The following MYO1D variants were observed in gnomAD, a reference collection of about 807,000 sequenced individuals.
MYO1D encodes unconventional myosin-Id.
Under a neutral mutation model 122.0 loss-of-function variants are expected in MYO1D, and 83 were observed. That is an observed-to-expected ratio of 0.68 (90% CI 0.57 to 0.82). The LOEUF (loss-of-function observed/expected upper bound fraction) is 0.82, where lower values mean the gene tolerates loss of function less well. Ranked by LOEUF, MYO1D falls within the 40% of genes least tolerant of loss-of-function variation. The pLI, the probability that MYO1D is intolerant of heterozygous loss-of-function variation, is 0.00. For synonymous variants in MYO1D, 464 were observed against 446.9 expected (o/e 1.04, Z -0.48); for missense variants, 1,157 against 1,269.5 (o/e 0.91, Z 1.35).
intron 2 of MYO1D, among the ~76,000 whole-genome samples, chr17:32,779,371 T>C (rs987729311): frequency 6.6e-6 from 1 of 151,912 alleles, no homozygotes. Flanking sequence ...TGGAATACTA[T>C]ACAATTATTA....
chr17:32,569,566 C>T (rs752729789), intron 21 of MYO1D, among the ~76,000 whole-genome samples: 31 of 152,300 alleles, frequency 2.0e-4, no homozygotes, highest in Non-Finnish European at 3.2e-4. Context: ...GACTGGGAAC[C>T]GTCACCTCCC....
intron 11 of MYO1D, among the ~76,000 whole-genome samples, chr17:32,754,211 C>T (rs567290229): frequency 6.6e-6 from 1 of 152,128 alleles, no homozygotes; most frequent in Admixed American, 6.5e-5. Flanking sequence ...AGGACATTTG[C>T]CCATGTAATC....
chr17:32,734,059 A>C (rs570413287), intron 14 of MYO1D, among the ~76,000 whole-genome samples: 1 of 152,254 alleles, frequency 6.6e-6, no homozygotes, highest in East Asian at 1.9e-4. Context: ...ACCCTCCAAA[A>C]CAGTTTCCAT....
At chr17:32,599,321 C>G (rs970780593) in intron 21 of MYO1D, among the ~76,000 whole-genome samples, 10 of 152,194 alleles carry the variant, frequency 6.6e-5, no homozygotes, top group Non-Finnish European at 1.2e-4. Flanking sequence ...GAAGCTACTC[C>G]TCATCTATTC....
At chr17:32,523,797 A>C (rs1341843748) in intron 21 of MYO1D, among the ~76,000 whole-genome samples, 3 of 151,396 alleles carry the variant, frequency 2.0e-5, no homozygotes, top group Non-Finnish European at 4.4e-5. Flanking sequence ...TCTCAAAAAA[A>C]AAAAAAAAAA....
At chr17:32,716,533 C>T (rs931572098) in intron 15 of MYO1D, among the ~76,000 whole-genome samples, 1 of 152,190 alleles carries the variant, frequency 6.6e-6, no homozygotes, top group African/African-American at 2.4e-5. Flanking sequence ...AGCCTACTCA[C>T]TTGCTAGATG....
At chr17:32,602,849 A>C (rs973926043) in intron 21 of MYO1D, 1 of 152,244 alleles carries the variant, frequency 6.6e-6, no homozygotes, top group Non-Finnish European at 1.5e-5. Context: ...CTTATAAAAT[A>C]CAATGTGAAT....
In MYO1D at chr17:32,494,869, T is replaced by C; in HGVS notation, c.2911A>G (p.Ser971Gly). 6.2e-7 allele frequency: 1 copy of C among 1,614,036 alleles called. No homozygotes were observed. The highest frequency in any genetic ancestry group is 8.5e-7 in the Non-Finnish European group (1 of 1,179,966). ...ACGGTGCACTTCTTCCCGTGCAGGC[T>C]GCACTGTACTGGGTTGGTGACGTTC... ...QVNVTNPVQCSLHGKKCTVSV... is the reference protein window; with the variant it reads ...QVNVTNPVQCGLHGKKCTVSV... The change falls in exon 22 of 22, where the codon AGC becomes GGC. Residue 971 changes from serine to glycine, a missense_variant. Physicochemically the swap from Ser to Gly is moderately conservative, Grantham distance 56. Coordinates refer to ENST00000318217, the MANE Select transcript of MYO1D (RefSeq NM_015194.3).
chr17:32,746,488 A>G (rs2089839492), intron 12 of MYO1D, among the ~76,000 whole-genome samples: 1 of 152,178 alleles, frequency 6.6e-6, no homozygotes, highest in Admixed American at 6.5e-5. Flanking sequence ...TCTAAATTCC[A>G]AATGAGTAAT....
intron 21 of MYO1D, among the ~76,000 whole-genome samples, chr17:32,589,677 C>T (rs1422400586): frequency 6.6e-6 from 1 of 152,200 alleles, no homozygotes; most frequent in African/African-American, 2.4e-5. Flanking sequence ...CTACGAACAG[C>T]TGTAGAACAG....
chr17:32,766,886 C>T (rs1455213758), intron 7 of MYO1D, among the ~76,000 whole-genome samples: 1 of 152,066 alleles, frequency 6.6e-6, no homozygotes, highest in Admixed American at 6.5e-5. Flanking sequence ...ACAGATGAGA[C>T]AATTTATAAT....
At chr17:32,667,119 G>C (rs1228150054) in intron 16 of MYO1D, among the ~76,000 whole-genome samples, 4 of 152,162 alleles carry the variant, frequency 2.6e-5, no homozygotes, top group Admixed American at 2.6e-4. Flanking sequence ...AACTCTCGTT[G>C]AATGAACTCT....
At chr17:32,828,913 G>A (rs1007764446) in intron 1 of MYO1D, among the ~76,000 whole-genome samples, 4 of 152,058 alleles carry the variant, frequency 2.6e-5, no homozygotes, top group South Asian at 2.1e-4. Context: ...CATACAAGTC[G>A]GGTAAACCTG....
At chr17:32,512,466 G>A (rs1909729266) in intron 21 of MYO1D, among the ~76,000 whole-genome samples, 1 of 152,188 alleles carries the variant, frequency 6.6e-6, no homozygotes, top group African/African-American at 2.4e-5. Context: ...AGGTCTAGAG[G>A]GCACTAAGCA....
intron 1 of MYO1D, among the ~76,000 whole-genome samples, chr17:32,851,902 C>A (rs565384679): frequency 6.6e-6 from 1 of 152,208 alleles, no homozygotes; most frequent in Non-Finnish European, 1.5e-5. Context: ...TCCTAACAGA[C>A]CACCGTACCG....
chr17:32,599,757 A>G (rs2087540661), intron 21 of MYO1D, among the ~76,000 whole-genome samples: 1 of 152,114 alleles, frequency 6.6e-6, no homozygotes, highest in African/African-American at 2.4e-5. Flanking sequence ...GGTTCAAGCA[A>G]TTCTCCTATC....
At chr17:32,870,371 T>C (rs1445360060) in intron 1 of MYO1D, among the ~76,000 whole-genome samples, 1 of 152,164 alleles carries the variant, frequency 6.6e-6, no homozygotes, top group African/African-American at 2.4e-5. Context: ...TTACATTTAC[T>C]TGAAGACCAC....
At chr17:32,818,111 GCGAGACT>G (rs765054584) in intron 1 of MYO1D, among the ~76,000 whole-genome samples, 42 of 61,220 alleles carry the variant, frequency 6.9e-4, no homozygotes, top group Non-Finnish European at 1.2e-3. Context: ...GGGCGACAGA[GCGAGACT>G]CCGTCTCAAA....
chr17:32,572,237 G>A (rs879517310), intron 21 of MYO1D, among the ~76,000 whole-genome samples: 4 of 150,640 alleles, frequency 2.7e-5, no homozygotes, highest in African/African-American at 4.9e-5. Context: ...ACTCCCCCTC[G>A]CCCACCTCCC....
Sources: gnomAD v4.1 joint callset for allele counts (sites outside exome capture counted in the v4.1 genomes callset) on GRCh38, gnomAD v4.1.1 for gene constraint, MANE v1.5 for transcripts, NCBI Gene and HGNC (gene_info 2026-07-23, HGNC 2026-07-21) for gene names.